TTYH3: variants seen among roughly 807,000 people sequenced by gnomAD.
The protein encoded by TTYH3 is protein tweety homolog 3.
TTYH3 carries 23 observed loss-of-function variants against 68.2 expected under a neutral mutation model. The ratio of observed to expected loss-of-function variants is 0.34; its 90% CI spans 0.24 to 0.48. The LOEUF is 0.48. TTYH3 is among the 20% of genes least tolerant of loss of function. The probability of loss-of-function intolerance (pLI) is 0.99; values close to 1 mark genes in which losing one functional copy is unlikely to be tolerated. For synonymous variants in TTYH3, 360 were observed against 332.8 expected, an observed-to-expected ratio of 1.08 and a Z score of -0.89; for missense variants, 768 against 727.7, an observed-to-expected ratio of 1.06 and a Z score of -0.64.
intron 1 of TTYH3, among the ~76,000 whole-genome samples, chr7:2,643,757 C>T (rs1437746962): frequency 1.3e-5 from 2 of 152,208 alleles, no homozygotes; most frequent in Non-Finnish European, 2.9e-5. Context: ...CTTTGATGTA[C>T]GCTGATGCCC....
At chr7:2,640,925 G>C (rs1430850534) in intron 1 of TTYH3, among the ~76,000 whole-genome samples, 1 of 152,252 alleles carries the variant, frequency 6.6e-6, no homozygotes, top group Non-Finnish European at 1.5e-5. Context: ...GCCAGCCGAG[G>C]TTCACACAGA....
chr7:2,654,284 G>A (rs1786272945), intron 9 of TTYH3, among the ~76,000 whole-genome samples: 1 of 151,684 alleles, frequency 6.6e-6, no homozygotes, highest in African/African-American at 2.4e-5. Flanking sequence ...AATCCCAGCT[G>A]CACAGGAGGC....
rs999250321 is a variant in TTYH3, at chr7:2,647,447, C to T, written c.435C>T (p.His145=). The part of the protein sequence containing the change: ...RVWDTAVGLN[H]TAEPSLQTLE... ...GGGACACGGCGGTGGGGCTGAACCA[C>T]ACGGCGGAGCCCAGCCTGCAGACCC... The change falls in exon 4 of 14, where the codon CAC becomes CAT. Residue 145 remains histidine (H), a synonymous_variant. Transcript: ENST00000258796. 4 of 1,528,884 alleles carry T rather than the reference C, an allele frequency of 2.6e-6. No individual in the cohort carries two copies. The highest frequency in any genetic ancestry group is 2.6e-6 in the Non-Finnish European group (3 of 1,142,098). 94.7% of individuals were successfully genotyped at this position (1,528,884 alleles called of 1,614,324 possible). A position where few individuals can be genotyped will look rare whatever the true frequency, so the allele number is the denominator to read the frequency against.
intron 8 of TTYH3, 148 bp downstream of exon 8, chr7:2,652,390 G>A (rs1022776225): frequency 2.6e-5 from 19 of 729,250 alleles, no homozygotes; most frequent in Middle Eastern, 7.4e-4. Context: ...CTGTGTGGAT[G>A]TCACCAACAG....
chr7:2,651,424 C>T (rs1227485319), intron 7 of TTYH3, among the ~76,000 whole-genome samples: 2 of 152,162 alleles, frequency 1.3e-5, no homozygotes. Context: ...GGGGTGGGCC[C>T]GCTCTGCTAG....
intron 1 of TTYH3, among the ~76,000 whole-genome samples, chr7:2,644,627 C>T (rs1157514733): frequency 6.6e-6 from 1 of 152,178 alleles, no homozygotes; most frequent in African/African-American, 2.4e-5. Context: ...ATTGCAGGGG[C>T]GGTAGGCACT....
intron 13 of TTYH3, among the ~76,000 whole-genome samples, chr7:2,659,331 G>T (rs912844662): frequency 3.3e-5 from 5 of 152,192 alleles, no homozygotes; most frequent in Non-Finnish European, 5.9e-5. Flanking sequence ...GGGAAGGAGA[G>T]TGGGTGGGCG....
chr7:2,659,650 G>A (rs1339570098), intron 13 of TTYH3, among the ~76,000 whole-genome samples: 1 of 152,186 alleles, frequency 6.6e-6, no homozygotes, highest in African/African-American at 2.4e-5. Context: ...GGGAGGGGGC[G>A]GCCGGGCTAC....
intron 11 of TTYH3, 26 bp downstream of exon 11, chr7:2,656,560 A>T (rs1010015409): frequency 6.3e-7 from 1 of 1,591,118 alleles, no homozygotes; most frequent in Non-Finnish European, 8.5e-7. Flanking sequence ...GGGTCGCAGG[A>T]GCTTGCCCCA....
Position 2,643,376 on chromosome 7 carries a change from G to A in TTYH3, c.124-3477G>A, listed in dbSNP as rs184524049. 2.4e-4 allele frequency among the ~76,000 whole-genome samples: 35 copies of A among 143,304 alleles called. No homozygotes were observed. In the East Asian group the frequency reaches 4.6e-3, roughly 19 times the overall value. 94.0% of individuals were successfully genotyped at this position (143,304 alleles called of 152,430 possible). On this transcript the variant is annotated intron_variant, in intron 1 of 13. Coordinates refer to ENST00000258796, the MANE Select transcript of TTYH3 (RefSeq NM_025250.3). ...TCTCAAAAAAAAAAAAAAAAAAATC[G>A]TAGAGTCCCCGGTACTCCAGCTCCT...
chr7:2,643,811 C>CAGCGGGT (rs112707413), intron 1 of TTYH3, among the ~76,000 whole-genome samples: 26,746 of 152,028 alleles, frequency 0.18, 2,731 homozygotes, highest in East Asian at 0.47. Context: ...GCGGAGGTCA[C>CAGCGGGT]ACCTGTTTAG....
Position 2,661,673 on chromosome 7 carries a change from C to T in TTYH3, c.1506C>T (p.Thr502=), listed in dbSNP as rs751270711. Reference sequence around the variant, plus strand: ...TCCCCCTTGTCTCCCTCCAGTACACCTCCAGCATGAGAGCCAAATACCTCG... The same window carrying T: ...TCCCCCTTGTCTCCCTCCAGTACACTTCCAGCATGAGAGCCAAATACCTCG... ...IGRESPPPSY[T]SSMRAKYLAT... The change falls in exon 14 of 14, where the codon ACC becomes ACT. Residue 502 remains threonine, a synonymous_variant. Transcript: ENST00000258796. 3 of 1,612,286 alleles carry T rather than the reference C, an allele frequency of 1.9e-6. No homozygotes were observed. The highest frequency in any genetic ancestry group is 1.6e-4 in the Middle Eastern group (1 of 6,078).
At chr7:2,660,218 G>C (rs1786458076) in intron 13 of TTYH3, 1 of 985,436 alleles carries the variant, frequency 1.0e-6, no homozygotes, top group Non-Finnish European at 1.2e-6. Context: ...TGCCGGCTCT[G>C]GGCCCGCCAG....
In TTYH3 at chr7:2,649,965, A is replaced by G; in HGVS notation, c.848A>G (p.Glu283Gly). The G allele has an allele frequency of 6.2e-7, 1 of 1,613,920 alleles. No individual in the cohort carries two copies. Among genetic ancestry groups the G allele is most frequent in the South Asian group, 1.1e-5 (1 of 91,088 alleles). The change falls in exon 7 of 14, where the codon GAG becomes GGG. Residue 283 changes from glutamate to glycine, a missense_variant. Transcript: ENST00000258796. ...DPDAYVTKMV[E>G]EYSVLSGDIL... is the part of the protein sequence containing the mutation. ...GACGCCTACGTGACCAAAATGGTGG[A>G]GGAGTACTCGGTGCTGAGTGGGGGT...
chr7:2,641,845 C>T (rs1486877574), intron 1 of TTYH3, among the ~76,000 whole-genome samples: 1 of 152,212 alleles, frequency 6.6e-6, no homozygotes, highest in Admixed American at 6.5e-5. Flanking sequence ...GCGTTGGGTG[C>T]CGGGGCTCTG....
Position 2,645,927 on chromosome 7 carries a change from G to T in TTYH3, c.124-926G>T, listed in dbSNP as rs748567708. On this transcript the variant is annotated intron_variant, in intron 1 of 13. Coordinates refer to ENST00000258796, the MANE Select transcript of TTYH3 (RefSeq NM_025250.3). The surrounding 1 kb of genome is among the most constrained non-coding windows in gnomAD (Gnocchi z 4.8). ...GCCTGAGACGGGGACGGGCTCTGGG[G>T]TCCTGGGGCTGTCTCGGGCTGGGGG... 1 of 459,498 alleles carries T rather than the reference G, an allele frequency of 2.2e-6. No homozygotes were observed. The highest frequency in any genetic ancestry group is 1.6e-5 in the South Asian group (1 of 63,656). 28.5% of individuals were successfully genotyped at this position (459,498 alleles called of 1,614,324 possible).
At chr7:2,640,404 G>GA (rs1554328389) in intron 1 of TTYH3, among the ~76,000 whole-genome samples, 1 of 61,344 alleles carries the variant, frequency 1.6e-5, no homozygotes, top group Non-Finnish European at 5.0e-5. Context: ...GTGTGTGTGT[G>GA]GGGGGGGACG....
In TTYH3 at chr7:2,648,014, C is replaced by A; in HGVS notation, c.682C>A (p.Leu228Met). The change falls in exon 5 of 14, where the codon CTG (leucine) becomes ATG (methionine). Residue 228 changes from leucine to methionine, a missense_variant. Transcript: ENST00000258796. ...LLDVIICLLV[L>M]VGLIRSSKGI... Reference sequence around the variant, plus strand: ...GGACGTCATCATCTGCCTCCTGGTGCTGGTTGGCCTCATCCGCAGCTCCAA... The same window carrying A: ...GGACGTCATCATCTGCCTCCTGGTGATGGTTGGCCTCATCCGCAGCTCCAA... The A allele has an allele frequency of 1.2e-6, 2 of 1,611,034 alleles. No individual in the cohort carries two copies. Among genetic ancestry groups the A allele is most frequent in the Non-Finnish European group, 1.7e-6 (2 of 1,179,882 alleles).
chr7:2,651,181 G>A (rs899220766), intron 7 of TTYH3, among the ~76,000 whole-genome samples: 7 of 152,260 alleles, frequency 4.6e-5, no homozygotes, highest in Non-Finnish European at 1.0e-4. Context: ...TGGAATTATT[G>A]TGTGTTCCCC....
Sources: allele counts gnomAD v4.1 joint callset (sites outside exome capture counted in the v4.1 genomes callset), GRCh38; gene constraint gnomAD v4.1.1; non-coding constraint Gnocchi (gnomAD v3.1); transcripts MANE v1.5; gene names NCBI Gene and HGNC (gene_info 2026-07-23, HGNC 2026-07-21).